The following AGBL1 variants were observed in gnomAD, a reference collection of about 807,000 sequenced individuals.
AGBL1 encodes cytosolic carboxypeptidase 4.
In AGBL1, 130 loss-of-function variants were observed where a neutral mutation model predicts 118.9. The ratio of observed to expected loss-of-function variants is 1.09; its 90% CI spans 0.95 to 1.26. The LOEUF is 1.26. AGBL1 is among the 50% of genes most tolerant of loss of function. AGBL1 has a pLI of 0.00. For synonymous variants in AGBL1, 555 were observed against 478.9 expected (o/e 1.16, Z -2.08); for missense variants, 1,584 against 1,298.1 (o/e 1.22, Z -3.38).
intron 5 of AGBL1, among the ~76,000 whole-genome samples, chr15:86,215,587 A>G (rs918294806): frequency 3.9e-5 from 6 of 152,256 alleles, no homozygotes; most frequent in Admixed American, 2.0e-4. Context: ...TTGCAGTGAG[A>G]CAGATGCCCA....
At chr15:86,795,307 T>C (rs2078553710) in intron 22 of AGBL1, among the ~76,000 whole-genome samples, 1 of 152,156 alleles carries the variant, frequency 6.6e-6, no homozygotes, top group Non-Finnish European at 1.5e-5. Flanking sequence ...CCTGTTGTGA[T>C]ATCTGACAGC....
At chr15:86,528,520 G>C (rs1450895477) in intron 19 of AGBL1, among the ~76,000 whole-genome samples, 3 of 150,370 alleles carry the variant, frequency 2.0e-5, no homozygotes, top group Middle Eastern at 6.8e-3. Context: ...AGGTGGCAGC[G>C]AGGCTGGGGG....
chr15:86,832,109 G>A (rs1464961567), intron 22 of AGBL1, among the ~76,000 whole-genome samples: 2 of 152,152 alleles, frequency 1.3e-5, no homozygotes, highest in South Asian at 2.1e-4. Flanking sequence ...CACTAAGTCC[G>A]AGACTGCACA....
chr15:86,559,256 T>G (rs762170585), intron 21 of AGBL1, among the ~76,000 whole-genome samples: 3 of 152,300 alleles, frequency 2.0e-5, no homozygotes, highest in Non-Finnish European at 4.4e-5. Flanking sequence ...AAGCTCATAT[T>G]CTGACATTCT....
chr15:86,879,742 C>T (rs1053963161), intron 22 of AGBL1, among the ~76,000 whole-genome samples: 7 of 152,172 alleles, frequency 4.6e-5, no homozygotes, highest in African/African-American at 9.7e-5. Context: ...GGGATGCTCA[C>T]GAAACGGCTC....
chr15:86,245,610 T>G (rs997716931), intron 6 of AGBL1, among the ~76,000 whole-genome samples: 3 of 152,238 alleles, frequency 2.0e-5, no homozygotes, highest in African/African-American at 7.2e-5. Flanking sequence ...GAGAGGTATC[T>G]TGGACTGTTC....
At chr15:86,734,528 G>A (rs905020947) in intron 22 of AGBL1, among the ~76,000 whole-genome samples, 1 of 152,130 alleles carries the variant, frequency 6.6e-6, no homozygotes, top group African/African-American at 2.4e-5. Flanking sequence ...CAAGAGGTGA[G>A]AGATGAGTGC....
At chr15:86,340,926 C>G (rs2080452153) in intron 17 of AGBL1, among the ~76,000 whole-genome samples, 1 of 152,186 alleles carries the variant, frequency 6.6e-6, no homozygotes, top group Non-Finnish European at 1.5e-5. Context: ...CACTACTCCT[C>G]ACGTGGTGTC....
intron 21 of AGBL1, among the ~76,000 whole-genome samples, chr15:86,597,849 G>T (rs2084433706): frequency 7.4e-6 from 1 of 134,356 alleles, no homozygotes; most frequent in South Asian, 2.6e-4. Flanking sequence ...ATAGAAGTGG[G>T]GCAACTTATG....
intron 17 of AGBL1, among the ~76,000 whole-genome samples, chr15:86,348,314 C>A (rs1424704113): frequency 6.6e-6 from 1 of 152,164 alleles, no homozygotes; most frequent in Admixed American, 6.5e-5. Flanking sequence ...GAAACCAGCC[C>A]CGCCTTGACC....
At chr15:86,372,460 C>G (rs12148502) in intron 17 of AGBL1, among the ~76,000 whole-genome samples, 24,881 of 152,126 alleles carry the variant, frequency 0.16, 2,260 homozygotes, top group African/African-American at 0.23. Flanking sequence ...CCATCATTTC[C>G]TCCCTTGGTG....
intron 19 of AGBL1, among the ~76,000 whole-genome samples, chr15:86,528,157 C>T (rs28720927): frequency 0.14 from 20,771 of 152,196 alleles, 4,030 homozygotes; most frequent in African/African-American, 0.43. Context: ...GCGTGAGCGA[C>T]GCAGAAGACG....
intron 5 of AGBL1, among the ~76,000 whole-genome samples, chr15:86,167,167 G>A (rs2077352963): frequency 6.6e-6 from 1 of 152,060 alleles, no homozygotes; most frequent in African/African-American, 2.4e-5. Flanking sequence ...ACTTGGGGGA[G>A]GTATGGAAAG....
chr15:86,976,833 A>G (rs556114451), intron 23 of AGBL1, among the ~76,000 whole-genome samples: 2 of 152,090 alleles, frequency 1.3e-5, no homozygotes, highest in South Asian at 4.1e-4. Flanking sequence ...CATATTCACC[A>G]TTTCAAAAAC....
intron 18 of AGBL1, among the ~76,000 whole-genome samples, chr15:86,487,074 T>C (rs927407767): frequency 1.3e-5 from 2 of 152,040 alleles, no homozygotes; most frequent in Non-Finnish European, 2.9e-5. Flanking sequence ...TATTCTCAGG[T>C]TCTAACCATC....
chr15:86,900,811 G>T (rs1021112489), intron 22 of AGBL1, among the ~76,000 whole-genome samples: 2 of 152,050 alleles, frequency 1.3e-5, no homozygotes, highest in African/African-American at 4.8e-5. Flanking sequence ...GATACTTCTT[G>T]CAGATTACTT....
intron 23 of AGBL1, chr15:86,939,863 G>C (rs754021770): frequency 8.2e-6 from 1 of 122,618 alleles, no homozygotes; most frequent in African/African-American, 2.8e-5. Context: ...GGAGAGAATA[G>C]AGTACGCTGT....
At chr15:86,395,040 A>T (rs2081342514) in intron 17 of AGBL1, among the ~76,000 whole-genome samples, 1 of 152,148 alleles carries the variant, frequency 6.6e-6, no homozygotes, top group African/African-American at 2.4e-5. Flanking sequence ...TATCATAAGC[A>T]CTTGCACTTT....
At chr15:87,027,778 G>A (rs907393247) in intron 24 of AGBL1, among the ~76,000 whole-genome samples, 11 of 151,866 alleles carry the variant, frequency 7.2e-5, no homozygotes, top group African/African-American at 1.9e-4. Context: ...AAACTAATGC[G>A]GGAACAGAAA....
Sources: gnomAD v4.1 joint callset for allele counts (sites outside exome capture counted in the v4.1 genomes callset) on GRCh38, gnomAD v4.1.1 for gene constraint, MANE v1.5 for transcripts, NCBI Gene and HGNC (gene_info 2026-07-23, HGNC 2026-07-21) for gene names.